The following NDNF variants were observed in gnomAD, a reference collection of about 807,000 sequenced individuals.
The protein encoded by NDNF is neuron derived neurotrophic factor, also known as protein NDNF.
NDNF carries 16 observed loss-of-function variants against 42.0 expected under a neutral mutation model. That is an observed-to-expected ratio of 0.38 (90% CI 0.26 to 0.58). NDNF has a LOEUF of 0.58. Among genes scored for constraint, NDNF ranks in the 20% least tolerant of loss-of-function variants. The pLI, the probability that NDNF is intolerant of heterozygous loss-of-function variation, is 0.67. For synonymous variants in NDNF, 248 were observed against 251.7 expected (o/e 0.99, Z 0.14); for missense variants, 616 against 666.2 (o/e 0.92, Z 0.83).
At chr4:121,048,954 A>C (rs1249023689) in intron 1 of NDNF, among the ~76,000 whole-genome samples, 1 of 152,240 alleles carries the variant, frequency 6.6e-6, no homozygotes, top group Non-Finnish European at 1.5e-5. Context: ...GCTAGCAACA[A>C]CACTATAATG....
intron 1 of NDNF, among the ~76,000 whole-genome samples, chr4:121,066,148 T>C (rs981005129): frequency 2.0e-5 from 3 of 152,220 alleles, no homozygotes; most frequent in African/African-American, 7.2e-5. Flanking sequence ...GTGTTAAATG[T>C]TTATCTCTCA....
chr4:121,065,310 A>G (rs1727480936), intron 1 of NDNF, among the ~76,000 whole-genome samples: 1 of 143,844 alleles, frequency 7.0e-6, no homozygotes, highest in Non-Finnish European at 1.6e-5. Context: ...TTACACCATA[A>G]TGAGGCAATC....
intron 1 of NDNF, among the ~76,000 whole-genome samples, chr4:121,049,378 G>A (rs1330015964): frequency 6.6e-6 from 1 of 152,160 alleles, no homozygotes; most frequent in Non-Finnish European, 1.5e-5. Flanking sequence ...CTAAATTCAG[G>A]GATCCTCTCT....
intron 1 of NDNF, among the ~76,000 whole-genome samples, chr4:121,066,365 A>G (rs139619770): frequency 7.5e-4 from 114 of 152,190 alleles, no homozygotes; most frequent in Middle Eastern, 3.4e-3. Context: ...CCAGCAGTAT[A>G]TATTTCTAAT....
At chr4:121,041,881 A>G (rs961849217) in intron 2 of NDNF, among the ~76,000 whole-genome samples, 1 of 152,192 alleles carries the variant, frequency 6.6e-6, no homozygotes, top group Admixed American at 6.5e-5. Context: ...CTAGAGAAGT[A>G]CTTTGTGGTT....
At chr4:121,069,850 A>G (rs778825383) in intron 1 of NDNF, among the ~76,000 whole-genome samples, 22 of 152,340 alleles carry the variant, frequency 1.4e-4, no homozygotes, top group South Asian at 4.1e-4. Context: ...GTTTAAACTC[A>G]TAAGAGTCAC....
At chr4:121,071,223 C>T (rs1727590779) in intron 1 of NDNF, among the ~76,000 whole-genome samples, 1 of 152,162 alleles carries the variant, frequency 6.6e-6, no homozygotes, top group South Asian at 2.1e-4. Flanking sequence ...GCCGAGTCTC[C>T]TGGCTGGGGC....
chr4:121,059,370 ATT>A (rs955441593), intron 1 of NDNF, among the ~76,000 whole-genome samples: 2 of 152,182 alleles, frequency 1.3e-5, no homozygotes, highest in African/African-American at 4.8e-5. Context: ...GATGTGTAGA[ATT>A]TGTTTCAAGA....
chr4:121,060,109 CTTTCTT>C (rs1424372660), intron 1 of NDNF, among the ~76,000 whole-genome samples: 1 of 152,116 alleles, frequency 6.6e-6, no homozygotes, highest in Non-Finnish European at 1.5e-5. Context: ...TGCCCATATC[CTTTCTT>C]TTTCTAAGAA....
intron 1 of NDNF, among the ~76,000 whole-genome samples, chr4:121,050,531 G>A (rs567029024): frequency 1.3e-4 from 20 of 152,136 alleles, no homozygotes; most frequent in Admixed American, 5.2e-4. Context: ...CTACAATTGA[G>A]GCTTTAGTTC....
intron 1 of NDNF, among the ~76,000 whole-genome samples, chr4:121,046,317 A>G (rs1038220054): frequency 2.6e-5 from 4 of 152,250 alleles, no homozygotes; most frequent in Non-Finnish European, 4.4e-5. Context: ...TACATTCAAC[A>G]TAAATCACAG....
chr4:121,051,409 A>T (rs577120239), intron 1 of NDNF, among the ~76,000 whole-genome samples: 1 of 152,288 alleles, frequency 6.6e-6, no homozygotes, highest in South Asian at 2.1e-4. Context: ...ACTTTTAGAT[A>T]AAATAAACTG....
At chr4:121,064,408 A>G (rs143655439) in intron 1 of NDNF, among the ~76,000 whole-genome samples, 1 of 152,312 alleles carries the variant, frequency 6.6e-6, no homozygotes, top group East Asian at 1.9e-4. Context: ...TTAACAACTG[A>G]CAACATTACT....
chr4:121,070,345 G>A (rs887120485), intron 1 of NDNF, among the ~76,000 whole-genome samples: 5 of 152,132 alleles, frequency 3.3e-5, no homozygotes, highest in Non-Finnish European at 7.4e-5. Context: ...CAAATCCCCT[G>A]CAACCGCTCC....
rs1391081712 is a variant in NDNF at position 121,036,951 on chromosome 4, C to G, written c.1020G>C (p.Gln340His). The change falls in exon 4 of 4, where the codon CAG (glutamine) becomes CAC (histidine). Residue 340 changes from glutamine to histidine, a missense_variant. Gln to His is a conservative substitution (Grantham distance 24). Transcript: ENST00000379692. The part of the protein sequence containing the change: ...TFARTKEEAK[Q>H]KTVELKDGKI... Reference sequence around the variant, plus strand: ...TCCCATCTTTTAGCTCGACTGTCTTCTGTTTGGCTTCTTCCTTGGTCCTGG... The same window carrying G: ...TCCCATCTTTTAGCTCGACTGTCTTGTGTTTGGCTTCTTCCTTGGTCCTGG... The G allele has an allele frequency of 1.2e-6, 2 of 1,613,942 alleles. No homozygotes were observed. The highest frequency in any genetic ancestry group is 8.5e-7 in the Non-Finnish European group (1 of 1,180,004).
Position 121,037,770 on chromosome 4 carries a change from A to G in NDNF, c.314-113T>C, listed in dbSNP as rs1263641159. 8 of 650,022 alleles carry G rather than the reference A, an allele frequency of 1.2e-5. No individual in the cohort carries two copies. The African/African-American group carries it at 1.3e-4, about 10-fold the overall frequency. The allele number at this position is 650,022 out of a possible 1,614,324, so 40.3% of individuals were successfully genotyped here. ...TCCGTTATGAAAATAGTACATGTTC[A>G]TAAGTAAAAATATTTATAAATGTAT... On this transcript the variant is annotated intron_variant, in intron 3 of 3. Transcript: ENST00000379692.
chr4:121,057,089 A>G (rs1203184840), intron 1 of NDNF, among the ~76,000 whole-genome samples: 3 of 152,218 alleles, frequency 2.0e-5, no homozygotes, highest in Admixed American at 2.0e-4. Flanking sequence ...CTCAGTGGAT[A>G]AGAGGGATGA....
At chr4:121,049,688 G>A (rs1409850108) in intron 1 of NDNF, among the ~76,000 whole-genome samples, 1 of 151,988 alleles carries the variant, frequency 6.6e-6, no homozygotes, top group Non-Finnish European at 1.5e-5. Flanking sequence ...TACTTTATTG[G>A]CTCAGGTAGA....
intron 2 of NDNF, among the ~76,000 whole-genome samples, chr4:121,041,721 C>G (rs1727001073): frequency 6.6e-6 from 1 of 152,132 alleles, no homozygotes; most frequent in Admixed American, 6.5e-5. Flanking sequence ...ATTCATCCAA[C>G]AAACATTCCT....
Sources: allele counts gnomAD v4.1 joint callset (sites outside exome capture counted in the v4.1 genomes callset), GRCh38; gene constraint gnomAD v4.1.1; transcripts MANE v1.5; gene names NCBI Gene and HGNC (gene_info 2026-07-23, HGNC 2026-07-21).